Variants in FAM199X observed in about 807,000 individuals in gnomAD.
The protein encoded by FAM199X is family with sequence similarity 199, X-linked.
Under a neutral mutation model 22.9 loss-of-function variants are expected in FAM199X, and 4 were observed. The ratio of observed to expected loss-of-function variants is 0.17; its 90% CI spans 0.09 to 0.40. FAM199X has a LOEUF of 0.40. Among genes scored for constraint, FAM199X ranks in the 10% least tolerant of loss-of-function variants. The probability of loss-of-function intolerance (pLI) is 1.00; values close to 1 mark genes in which losing one functional copy is unlikely to be tolerated. For missense variants in FAM199X, 183 were observed against 306.8 expected, an observed-to-expected ratio of 0.60 and a Z score of 3.01; for synonymous variants, 101 against 112.3, an observed-to-expected ratio of 0.90 and a Z score of 0.64.
chrX:104,188,809 G>A (rs997645717), intron 5 of FAM199X, among the ~76,000 whole-genome samples: 14 of 18,689 alleles, frequency 7.5e-4, no homozygotes, highest in Non-Finnish European at 1.2e-3. Flanking sequence ...TAATATTGTC[G>A]GGCACTTAAA....
intron 2 of FAM199X, among the ~76,000 whole-genome samples, chrX:104,177,028 T>C (rs782044973): frequency 1.3e-4 from 14 of 111,709 alleles, no homozygotes; most frequent in Non-Finnish European, 2.4e-4. Context: ...AATTCAGTAG[T>C]TATTAATATA....
At chrX:104,167,869 G>C (rs1200387817) in intron 1 of FAM199X, among the ~76,000 whole-genome samples, 1 of 108,437 alleles carries the variant, frequency 9.2e-6, no homozygotes, top group African/African-American at 3.4e-5. Context: ...AACATAGGTG[G>C]ATATTTGAGA....
At chrX:104,169,350 A>G (rs1385008085) in intron 1 of FAM199X, among the ~76,000 whole-genome samples, 4 of 112,102 alleles carry the variant, frequency 3.6e-5, no homozygotes, top group African/African-American at 1.3e-4. Flanking sequence ...AAGCTTGTTA[A>G]TTGGTAGATA....
chrX:104,159,706 C>T, the FAM199X span, among the ~76,000 whole-genome samples: 1 of 111,890 alleles, frequency 8.9e-6, no homozygotes, highest in African/African-American at 3.3e-5. Flanking sequence ...ATAGATCCAT[C>T]CCCCAGCTGC....
rs782147712 is a variant in FAM199X, at chrX:104,190,847, T to A, written c.*1069T>A. 2.5e-4 allele frequency: 28 copies of A among 112,305 alleles called. No individual in the cohort carries two copies. Among genetic ancestry groups the A allele is most frequent in the African/African-American group, 7.7e-4 (24 of 30,994 alleles). The allele number at this position is 112,305 out of a possible 1,213,427, so 9.3% of individuals were successfully genotyped here. ...TAGAAATATACAGAGCAATGAGATA[T>A]AGAAAACACCTTAGCTTGTTGGTTA... On this transcript the variant is annotated 3_prime_UTR_variant, in exon 6 of 6. Transcript: ENST00000493442.
Position 104,166,529 on chromosome X carries a change from C to A in FAM199X, c.-257C>A. 1 of 232,504 alleles carries A rather than the reference C, an allele frequency of 4.3e-6. No homozygotes were observed. The highest frequency in any genetic ancestry group is 2.0e-4 in the South Asian group (1 of 4,882). The allele number at this position is 232,504 out of a possible 1,213,427, so 19.2% of individuals were successfully genotyped here. Reference sequence around the variant, plus strand: ...GCGGCGCTGCGCTGACGGGCTGAGTCTGGCGGCGGCGGAAGCTGCAGAGGC... The same window carrying A: ...GCGGCGCTGCGCTGACGGGCTGAGTATGGCGGCGGCGGAAGCTGCAGAGGC... On this transcript the variant is annotated 5_prime_UTR_variant, in exon 1 of 6. It adds an upstream start codon to the 5' untranslated region. Transcript: ENST00000493442.
upstream of FAM199X, among the ~76,000 whole-genome samples, chrX:104,161,461 G>A (rs1349824076): frequency 8.9e-6 from 1 of 112,157 alleles, no homozygotes; most frequent in Non-Finnish European, 1.9e-5. Flanking sequence ...GAAGAATGGT[G>A]AATTACCCCA....
At position 104,172,723 on chromosome X, in the gene FAM199X, T is replaced by TGGGCTC. The variant is rs1556375627; in HGVS notation, c.198-2900_198-2899insGGGCTC. ...TTTTTTTTTTTTTAAGGAATGTCAC[T>TGGGCTC]ATTACTCATGGAGAGAAACACATTT... On this transcript the variant is annotated intron_variant, in intron 1 of 5. Coordinates refer to ENST00000493442, the MANE Select transcript of FAM199X (RefSeq NM_207318.4). 1.6e-4 allele frequency among the ~76,000 whole-genome samples: 17 copies of TGGGCTC among 109,085 alleles called. No individual in the cohort carries two copies. The Admixed American group carries it at 1.7e-3, about 11-fold the overall frequency. The allele number at this position is 109,085 out of a possible 115,157, so 94.7% of individuals were successfully genotyped here.
At chrX:104,167,128 C>G in intron 1 of FAM199X, 146 bp downstream of exon 1, 3 of 474,199 alleles carry the variant, frequency 6.3e-6, no homozygotes, top group Non-Finnish European at 9.7e-6. Context: ...TTCCCTGCCC[C>G]CCCTCCCTAT....
At chrX:104,179,977 T>G (rs1178825746) in intron 2 of FAM199X, among the ~76,000 whole-genome samples, 1 of 81,346 alleles carries the variant, frequency 1.2e-5, no homozygotes, top group Non-Finnish European at 2.2e-5. Context: ...GAATTTTTCC[T>G]TTTTTTTTTT....
chrX:104,159,287 T>G, the FAM199X span, among the ~76,000 whole-genome samples: 3 of 111,902 alleles, frequency 2.7e-5, no homozygotes, highest in African/African-American at 6.5e-5. Flanking sequence ...CCCTTTTAGC[T>G]CCTTTCACCC....
At chrX:104,182,534 T>G (rs1428793017) in intron 2 of FAM199X, among the ~76,000 whole-genome samples, 4 of 111,493 alleles carry the variant, frequency 3.6e-5, no homozygotes, top group African/African-American at 9.8e-5. Context: ...CTGTTGAGCT[T>G]TCAAATCCCT....
At chrX:104,168,610 T>C (rs1921273786) in intron 1 of FAM199X, among the ~76,000 whole-genome samples, 2 of 112,075 alleles carry the variant, frequency 1.8e-5, no homozygotes, top group Admixed American at 1.9e-4. Context: ...CCTGCTGTGA[T>C]GATGAGGGCA....
chrX:104,192,564 G>A lies in FAM199X; in HGVS notation c.*2786G>A, dbSNP rs1313055653. 4 of 111,632 alleles carry A rather than the reference G, an allele frequency of 3.6e-5. No individual in the cohort carries two copies. The highest frequency in any genetic ancestry group is 1.3e-4 in the African/African-American group (4 of 30,857). The allele number at this position is 111,632 out of a possible 1,213,427, so 9.2% of individuals were successfully genotyped here. A position where few individuals can be genotyped will look rare whatever the true frequency, so the allele number is the denominator to read the frequency against. ...TACAGCTTTCTAAAGGATGAGACTT[G>A]CATTTAACAAAATGACATATATAAT... On this transcript the variant is annotated 3_prime_UTR_variant, in exon 6 of 6. Coordinates refer to ENST00000493442, the MANE Select transcript of FAM199X (RefSeq NM_207318.4).
chrX:104,166,488 C>T lies in FAM199X; in HGVS notation c.-298C>T. On this transcript the variant is annotated 5_prime_UTR_variant, in exon 1 of 6. Transcript: ENST00000493442. ...GGCGAGCGCAGTGGGCGGGGCGGGC[C>T]TGGCCGGGCCGGGCGGCGGCGCTGC... 1.8e-5 allele frequency: 3 copies of T among 168,855 alleles called. No homozygotes were observed. Among genetic ancestry groups the T allele is most frequent in the Non-Finnish European group, 2.3e-5 (2 of 88,864 alleles). 13.9% of individuals were successfully genotyped at this position (168,855 alleles called of 1,213,427 possible).
chrX:104,180,123 G>C (rs1921609054), intron 2 of FAM199X, among the ~76,000 whole-genome samples: 1 of 107,387 alleles, frequency 9.3e-6, no homozygotes. Flanking sequence ...GACCACAGGT[G>C]GGCACCACAA....
In FAM199X at chrX:104,166,735, C is replaced by A; in HGVS notation, c.-51C>A. 1 of 1,119,879 alleles carries A rather than the reference C, an allele frequency of 8.9e-7. No individual in the cohort carries two copies. The allele number at this position is 1,119,879 out of a possible 1,213,427, so 92.3% of individuals were successfully genotyped here. Reference sequence around the variant, plus strand: ...GTTAGAGTGGGGGCAGGGGCGGGCGCGGGAGCAGCCCAGGGCCAGAGAGGG... The same window carrying A: ...GTTAGAGTGGGGGCAGGGGCGGGCGAGGGAGCAGCCCAGGGCCAGAGAGGG... On this transcript the variant is annotated 5_prime_UTR_variant, in exon 1 of 6. Coordinates refer to ENST00000493442, the MANE Select transcript of FAM199X (RefSeq NM_207318.4).
At chrX:104,172,419 CAAA>C (rs1252810147) in intron 1 of FAM199X, among the ~76,000 whole-genome samples, 1 of 87,496 alleles carries the variant, frequency 1.1e-5, no homozygotes. Flanking sequence ...GACCCTGACT[CAAA>C]AAAAAAAAAG....
intron 1 of FAM199X, among the ~76,000 whole-genome samples, chrX:104,172,257 A>G (rs1187699258): frequency 8.9e-4 from 94 of 105,803 alleles, no homozygotes; most frequent in African/African-American, 3.2e-3. Context: ...AAAAAAAAAA[A>G]GAAATGTGAA....
Sources: allele counts gnomAD v4.1 joint callset (sites outside exome capture counted in the v4.1 genomes callset), GRCh38; gene constraint gnomAD v4.1.1; transcripts MANE v1.5; gene names NCBI Gene and HGNC (gene_info 2026-07-23, HGNC 2026-07-21).